Variants in COL2A1 observed in about 807,000 individuals in gnomAD.
The protein encoded by COL2A1 is collagen alpha-1(II) chain.
COL2A1 carries 28 observed loss-of-function variants against 204.5 expected under a neutral mutation model. That is an observed-to-expected ratio of 0.14 (90% CI 0.10 to 0.19). The LOEUF (loss-of-function observed/expected upper bound fraction) is 0.19. Ranked by LOEUF, COL2A1 falls within the 10% of genes least tolerant of loss-of-function variation. The pLI is 1.00. For missense variants in COL2A1, 1,388 were observed against 2,027.5 expected, an observed-to-expected ratio of 0.68 and a Z score of 6.06; for synonymous variants, 708 against 718.7, an observed-to-expected ratio of 0.99 and a Z score of 0.24.
At chr12:47,983,250 T>A (rs1321420584) in intron 31 of COL2A1, 113 bp from the exon 32 acceptor site, 2 of 1,495,866 alleles carry the variant, frequency 1.3e-6, no homozygotes, top group East Asian at 4.7e-5. Context: ...GTGTCATCTG[T>A]GGAGGCTGGG....
intron 22 of COL2A1, 149 bp downstream of exon 22, chr12:47,986,686 C>A: frequency 1.0e-6 from 1 of 957,584 alleles, no homozygotes; most frequent in East Asian, 2.4e-5. Flanking sequence ...GCCTTCTCAG[C>A]CCTGTTAAGT....
In COL2A1 at chr12:47,989,967, G is replaced by A. The variant is rs924418481; in HGVS notation, c.1024-162C>T. Among the ~76,000 whole-genome samples, 9 of 152,032 alleles carry A rather than the reference G, an allele frequency of 5.9e-5. No homozygotes were observed. The East Asian group carries it at 1.3e-3, about 23-fold the overall frequency. ...TGGGCTGCAGTTTTGGTGTCTGTGC[G>A]AGTGGGTGGCCAGAAGGCAGTAATG... On this transcript the variant is annotated intron_variant, in intron 16 of 53. Coordinates refer to ENST00000380518, the MANE Select transcript of COL2A1 (RefSeq NM_001844.5).
upstream of COL2A1, among the ~76,000 whole-genome samples, chr12:48,004,857 G>C (rs546993248): frequency 7.9e-5 from 12 of 152,338 alleles, no homozygotes; most frequent in East Asian, 7.7e-4. Flanking sequence ...CGCAGGCCGA[G>C]AGCCCTAGAC....
At position 47,989,213 on chromosome 12, in the gene COL2A1, C is replaced by A. The variant is rs373544158; in HGVS notation, c.1122+15G>T. ...CGGCACCCAGAAGTTCCTGACTGGA[C>A]AACAGGGCACGTACCTTGGCTCCAG... On this transcript the variant is annotated intron_variant, in intron 18 of 53. Coordinates refer to ENST00000380518, the MANE Select transcript of COL2A1 (RefSeq NM_001844.5). 2 of 1,609,412 alleles carry A rather than the reference C, an allele frequency of 1.2e-6. No individual in the cohort carries two copies. The highest frequency in any genetic ancestry group is 8.5e-7 in the Non-Finnish European group (1 of 1,178,070).
intron 1 of COL2A1, chr12:48,002,945 A>T (rs1181436984): frequency 6.6e-6 from 1 of 152,240 alleles, no homozygotes; most frequent in East Asian, 1.9e-4. Flanking sequence ...CTATCCCTGG[A>T]AACAGCCTGG....
rs959921134 is a variant in COL2A1, at chr12:47,998,183, C to T, written c.328G>A (p.Gly110Arg). Residue 110 changes from glycine to arginine, a missense_variant, in exon 4 of 54, where the codon GGA becomes AGA. Transcript: ENST00000380518. ...TTTGCACTTACATCCTTGATGTCTCCAGGTTCTCCTTTCTGTCCCTGAAAC... is the reference window on the plus strand; with the variant it reads ...TTTGCACTTACATCCTTGATGTCTCTAGGTTCTCCTTTCTGTCCCTGAAAC... Reference protein sequence around the residue: ...PGPKGQKGEPGDIKDIVGPKG... With the variant: ...PGPKGQKGEPRDIKDIVGPKG... The T allele has an allele frequency of 3.1e-6, 5 of 1,614,152 alleles. No homozygotes were observed. The highest frequency in any genetic ancestry group is 4.2e-6 in the Non-Finnish European group (5 of 1,180,026).
chr12:47,999,774 T>A (rs780361816), intron 2 of COL2A1, 145 bp downstream of exon 2: 1 of 689,332 alleles, frequency 1.5e-6, no homozygotes, highest in Non-Finnish European at 2.6e-6. Flanking sequence ...AAGTGAGAAG[T>A]GGCCTTTCCT....
chr12:47,982,374 T>C, intron 34 of COL2A1, 128 bp downstream of exon 34: 1 of 865,746 alleles, frequency 1.2e-6, no homozygotes, highest in Non-Finnish European at 1.9e-6. Flanking sequence ...AAGGAGTCTT[T>C]AAGCTCCTCA....
chr12:47,994,521 G>A (rs376284910), intron 11 of COL2A1, 44 bp from the exon 12 acceptor site: 2 of 1,607,980 alleles, frequency 1.2e-6, no homozygotes, highest in Non-Finnish European at 8.5e-7. Flanking sequence ...CAGAGACGCA[G>A]TAGCATAGTG....
rs372182200 is a variant in COL2A1 at position 47,985,574 on chromosome 12, C to G, written c.1694G>C (p.Arg565Pro). The G allele has an allele frequency of 1.2e-6, 2 of 1,613,904 alleles. No homozygotes were observed. The highest frequency in any genetic ancestry group is 2.7e-5 in the African/African-American group (2 of 74,890). The change falls in exon 26 of 54, where the codon CGC becomes CCC. Residue 565 changes from arginine to proline, a missense_variant. Transcript: ENST00000380518. Reference protein sequence around the residue: ...GLPGARGLTGRPGDAGPQGKV... With the variant: ...GLPGARGLTGPPGDAGPQGKV... The stretch of plus-strand genomic sequence containing the variant: ...GCCTTGAGGACCAGCATCACCAGGG[C>G]GGCCAGTGAGACCCTTTGTTCAGGA...
In COL2A1 at chr12:47,986,435, A is replaced by G. The variant is rs964854476; in HGVS notation, c.1428T>C (p.Ala476=). Residue 476 remains alanine, a synonymous_variant, in exon 23 of 54, where the codon GCT becomes GCC. Transcript: ENST00000380518. ...EQGPKGEPGP[A]GPQGAPGPAG... ...CGGGTCCAGGGGCTCCCTGGGGGCC[A>G]GCAGGGCCCTGAGGACCAGCAAAAA... 7 of 1,555,790 alleles carry G rather than the reference A, an allele frequency of 4.5e-6. No individual in the cohort carries two copies. The highest frequency in any genetic ancestry group is 1.4e-5 in the African/African-American group (1 of 73,304).
chr12:48,000,687 C>A lies in COL2A1; in HGVS notation c.86-562G>T, dbSNP rs1940195584. Among the ~76,000 whole-genome samples the A allele has an allele frequency of 1.3e-5, 2 of 152,134 alleles. 1 individual carries two copies. The highest frequency in any genetic ancestry group is 4.8e-5 in the African/African-American group (2 of 41,414). Reference sequence around the variant, plus strand: ...AAATTCTACCTACAAAAATTGGAATCTATAAGCAGTGAGGCTCCAAAAATA... The same window carrying A: ...AAATTCTACCTACAAAAATTGGAATATATAAGCAGTGAGGCTCCAAAAATA... On this transcript the variant is annotated intron_variant, in intron 1 of 53. Coordinates refer to ENST00000380518, the MANE Select transcript of COL2A1 (RefSeq NM_001844.5).
chr12:47,985,245 A>G, intron 26 of COL2A1, 152 bp from the exon 27 acceptor site: 1 of 730,696 alleles, frequency 1.4e-6, no homozygotes. Context: ...CCATGGGCCC[A>G]TCTACAACAA....
At chr12:47,990,522 C>T (rs1939654749) in intron 16 of COL2A1, among the ~76,000 whole-genome samples, 1 of 152,196 alleles carries the variant, frequency 6.6e-6, no homozygotes, top group Non-Finnish European at 1.5e-5. Context: ...GTGGTTAAGG[C>T]TTGGTTAAGG....
intron 53 of COL2A1, 27 bp downstream of exon 53, chr12:47,974,062 G>T (rs1177072721): frequency 6.2e-7 from 1 of 1,614,022 alleles, no homozygotes; most frequent in Non-Finnish European, 8.5e-7. Flanking sequence ...GGCACAGGCA[G>T]CTCTTCTCTC....
chr12:47,994,537 A>G (rs1257405473), intron 11 of COL2A1, 60 bp from the exon 12 acceptor site: 4 of 1,574,344 alleles, frequency 2.5e-6, no homozygotes, highest in Non-Finnish European at 3.5e-6. Flanking sequence ...TAGTGGGGGC[A>G]CCCCAGAGGG....
chr12:47,974,947 A>T, intron 51 of COL2A1, 85 bp from the exon 52 acceptor site: 1 of 1,383,610 alleles, frequency 7.2e-7, no homozygotes, highest in South Asian at 1.3e-5. Flanking sequence ...ACTGAAAGAG[A>T]CAGAGAGGCC....
rs758719908 is a variant in COL2A1 at position 47,973,378 on chromosome 12, C to A, written c.*29G>T. ...GTACTTGGGTCCTTTGGGTTTGCAACGGATTGTGTTGTTTCTGGGTTCAGG... is the reference window on the plus strand; with the variant it reads ...GTACTTGGGTCCTTTGGGTTTGCAAAGGATTGTGTTGTTTCTGGGTTCAGG... On this transcript the variant is annotated 3_prime_UTR_variant, in exon 54 of 54. Coordinates refer to ENST00000380518, the MANE Select transcript of COL2A1 (RefSeq NM_001844.5). 2 of 1,614,048 alleles carry A rather than the reference C, an allele frequency of 1.2e-6. No homozygotes were observed. Among genetic ancestry groups the A allele is most frequent in the Non-Finnish European group, 1.7e-6 (2 of 1,180,004 alleles).
Position 47,982,138 on chromosome 12 carries a change from G to A in COL2A1, c.2324C>T (p.Pro775Leu). Residue 775 changes from proline to leucine, a missense_variant, in exon 35 of 54, where the codon CCT becomes CTT. Physicochemically the swap from Pro to Leu is moderately conservative, Grantham distance 98. Coordinates refer to ENST00000380518, the MANE Select transcript of COL2A1 (RefSeq NM_001844.5). Reference protein sequence around the residue: ...GDRGDVGEKGPEGAPGKDGGR... With the variant: ...GDRGDVGEKGLEGAPGKDGGR... Reference sequence around the variant, plus strand: ...ACCATCCTTTCCAGGGGCTCCCTCAGGGCCTTTCTCACCAACGTCACCCTG... The same window carrying A: ...ACCATCCTTTCCAGGGGCTCCCTCAAGGCCTTTCTCACCAACGTCACCCTG... The A allele has an allele frequency of 1.9e-6, 3 of 1,614,000 alleles. No individual in the cohort carries two copies. The highest frequency in any genetic ancestry group is 2.5e-6 in the Non-Finnish European group (3 of 1,179,918).
Sources: gnomAD v4.1 joint callset for allele counts (sites outside exome capture counted in the v4.1 genomes callset) on GRCh38, gnomAD v4.1.1 for gene constraint, MANE v1.5 for transcripts, NCBI Gene and HGNC (gene_info 2026-07-23, HGNC 2026-07-21) for gene names.